Variants in ATG7 observed in about 807,000 individuals in gnomAD.
ATG7 encodes the protein autophagy related 7.
ATG7 carries 70 observed loss-of-function variants against 82.4 expected under a neutral mutation model. The ratio of observed to expected loss-of-function variants is 0.85; its 90% CI spans 0.70 to 1.04. The LOEUF is 1.04. ATG7 is among the 50% of genes least tolerant of loss of function. The pLI, the probability that ATG7 is intolerant of heterozygous loss-of-function variation, is 0.00. For synonymous variants in ATG7, 287 were observed against 313.0 expected (o/e 0.92, Z 0.88); for missense variants, 792 against 864.3 (o/e 0.92, Z 1.05).
chr3:11,497,091 T>A (rs1575048412), intron 20 of ATG7, among the ~76,000 whole-genome samples: 1 of 151,872 alleles, frequency 6.6e-6, no homozygotes, highest in East Asian at 1.9e-4. Context: ...ACTCAAGTGA[T>A]CCGCTTGCCT....
intron 14 of ATG7, among the ~76,000 whole-genome samples, chr3:11,349,208 T>C (rs750050112): frequency 1.1e-4 from 16 of 148,092 alleles, no homozygotes; most frequent in Non-Finnish European, 1.9e-4. Context: ...GACTGGTGCA[T>C]TTACAATCCT....
intron 19 of ATG7, among the ~76,000 whole-genome samples, chr3:11,396,118 G>GGA (rs10664708): frequency 0.19 from 27,620 of 144,258 alleles, 2,869 homozygotes; most frequent in South Asian, 0.35. Context: ...AGAAGTATAG[G>GGA]AAAAAAAAAA....
chr3:11,424,198 C>G (rs2082173804), intron 19 of ATG7, among the ~76,000 whole-genome samples: 1 of 152,180 alleles, frequency 6.6e-6, no homozygotes, highest in Non-Finnish European at 1.5e-5. Context: ...CAGTGCCAAC[C>G]TCTTCATCAG....
intron 5 of ATG7, among the ~76,000 whole-genome samples, chr3:11,302,646 G>A (rs182376580): frequency 6.6e-6 from 1 of 152,306 alleles, no homozygotes; most frequent in East Asian, 1.9e-4. Context: ...CATTATTTCA[G>A]GAAAACTTAT....
intron 20 of ATG7, among the ~76,000 whole-genome samples, chr3:11,496,872 T>G (rs2090872786): frequency 6.6e-6 from 1 of 152,150 alleles, no homozygotes; most frequent in African/African-American, 2.4e-5. Context: ...TTTTATTTTA[T>G]TTTTTGAGAT....
chr3:11,423,507 T>C (rs938332603), intron 19 of ATG7, among the ~76,000 whole-genome samples: 1 of 152,188 alleles, frequency 6.6e-6, no homozygotes, highest in Non-Finnish European at 1.5e-5. Context: ...CACATAGTAC[T>C]CAACATTTCA....
At chr3:11,442,381 T>G (rs11128551) in intron 20 of ATG7, among the ~76,000 whole-genome samples, 12,318 of 152,200 alleles carry the variant, frequency 0.081, 623 homozygotes, top group South Asian at 0.18. Flanking sequence ...TTTGAAATCT[T>G]TAATACAAAC....
Position 11,488,697 on chromosome 3 carries a change from G to C in ATG7, c.2079+61771G>C, listed in dbSNP as rs2090032481. The stretch of plus-strand genomic sequence containing the variant: ...TTCTTCTGGTTCTGTTTATATGCTA[G>C]GTTACATTTATTGATTTGCATATAT... On this transcript the variant is annotated intron_variant, in intron 20 of 20. Transcript: ENST00000693202. Among the ~76,000 whole-genome samples, 3 of 152,196 alleles carry C rather than the reference G, an allele frequency of 2.0e-5. 1 individual carries two copies. The highest frequency in any genetic ancestry group is 2.0e-4 in the Admixed American group (3 of 15,288).
rs111606543 is a variant in ATG7 at position 11,456,864 on chromosome 3, A to G, written c.2079+29938A>G. ...AAGTGCTTGTCCTCTCTGAGGCCCC[A>G]GTATTGGAGGCTACTGGATGTGTAA... On this transcript the variant is annotated intron_variant, in intron 20 of 20. Coordinates refer to ENST00000693202, the MANE Select transcript of ATG7 (RefSeq NM_001349232.2). Among the ~76,000 whole-genome samples, 1,068 of 152,286 alleles carry G rather than the reference A, an allele frequency of 7.0e-3. 10 individuals carry two copies. Among genetic ancestry groups the G allele is most frequent in the African/African-American group, 0.024 (1,015 of 41,566 alleles).
chr3:11,444,327 C>A (rs1173817479), intron 20 of ATG7, among the ~76,000 whole-genome samples: 1 of 152,144 alleles, frequency 6.6e-6, no homozygotes, highest in Non-Finnish European at 1.5e-5. Context: ...TTTTCATTAT[C>A]ACTCCTCCTA....
chr3:11,458,322 G>A (rs901428072), intron 20 of ATG7, among the ~76,000 whole-genome samples: 2 of 151,970 alleles, frequency 1.3e-5, no homozygotes, highest in East Asian at 1.9e-4. Context: ...GGAGTGCAGC[G>A]GCACCATCTC....
intron 16 of ATG7, among the ~76,000 whole-genome samples, 169 bp downstream of exon 16, chr3:11,360,953 C>T (rs753369718): frequency 1.3e-5 from 2 of 152,184 alleles, no homozygotes; most frequent in African/African-American, 2.4e-5. Context: ...CCTTGACTGG[C>T]GTCATCAACT....
intron 20 of ATG7, among the ~76,000 whole-genome samples, chr3:11,497,968 C>T (rs911265644): frequency 2.6e-5 from 4 of 152,120 alleles, no homozygotes; most frequent in Non-Finnish European, 4.4e-5. Context: ...GTCGGGTAGA[C>T]GTGAGCCTTC....
chr3:11,452,481 A>G (rs1183315685), intron 20 of ATG7, among the ~76,000 whole-genome samples: 1 of 151,808 alleles, frequency 6.6e-6, no homozygotes, highest in East Asian at 1.9e-4. Context: ...TTGAACTGTT[A>G]AATTGGTGAA....
At chr3:11,561,810 TCAGA>T (rs1304743722), downstream of ATG7, among the ~76,000 whole-genome samples, 2 of 149,826 alleles carry the variant, frequency 1.3e-5, no homozygotes, top group South Asian at 2.1e-4. Flanking sequence ...GTGACTGTCC[TCAGA>T]CAGAGGCTGC....
At chr3:11,314,047 G>T (rs377024939) in intron 8 of ATG7, among the ~76,000 whole-genome samples, 9 of 152,258 alleles carry the variant, frequency 5.9e-5, no homozygotes, top group East Asian at 3.9e-4. Flanking sequence ...TTTTCAATGT[G>T]GGGAAACATA....
downstream of ATG7, chr3:11,558,276 G>C (rs1029754778): frequency 7.5e-6 from 4 of 530,418 alleles, no homozygotes; most frequent in South Asian, 2.8e-5. Context: ...CAGCAGACCT[G>C]CATCAGAGGT....
chr3:11,564,662 A>ATCCCTCACCACCGCCC, the ATG7 span: 23 of 936,090 alleles, frequency 2.5e-5, no homozygotes, highest in Middle Eastern at 6.5e-4. Context: ...GAAGGGTGGC[A>ATCCCTCACCACCGCCC]TCCCTCACCA....
At chr3:11,339,188 C>T (rs559602367) in intron 11 of ATG7, among the ~76,000 whole-genome samples, 3 of 150,308 alleles carry the variant, frequency 2.0e-5, no homozygotes, top group East Asian at 2.0e-4. Flanking sequence ...CCCAGCTACT[C>T]GGGAGGCTGA....
Sources: allele counts gnomAD v4.1 joint callset (sites outside exome capture counted in the v4.1 genomes callset), GRCh38; gene constraint gnomAD v4.1.1; transcripts MANE v1.5; gene names NCBI Gene and HGNC (gene_info 2026-07-23, HGNC 2026-07-21).